The following MIA2 variants were observed in gnomAD, a reference collection of about 807,000 sequenced individuals.
MIA2 encodes the protein melanoma inhibitory activity protein 2.
In MIA2, 127 loss-of-function variants were observed where a neutral mutation model predicts 167.8. That is an observed-to-expected ratio of 0.76 (90% confidence interval 0.66 to 0.88). MIA2 has a LOEUF of 0.88. Among genes scored for constraint, MIA2 ranks in the 40% least tolerant of loss-of-function variants. The pLI, the probability that MIA2 is intolerant of heterozygous loss-of-function variation, is 0.00. For synonymous variants in MIA2, 552 were observed against 541.9 expected, an observed-to-expected ratio of 1.02 and a Z score of -0.26; for missense variants, 1,690 against 1,624.7, an observed-to-expected ratio of 1.04 and a Z score of -0.69.
chr14:39,334,180 T>C (rs1248576288), intron 25 of MIA2, among the ~76,000 whole-genome samples: 1 of 152,178 alleles, frequency 6.6e-6, no homozygotes, highest in Non-Finnish European at 1.5e-5. Context: ...GCCATTTAAA[T>C]AGTCACTGAA....
chr14:39,316,379 T>C (rs12434446), intron 21 of MIA2, among the ~76,000 whole-genome samples: 131,489 of 152,152 alleles, frequency 0.86, 57,403 homozygotes, highest in East Asian at 0.96. Flanking sequence ...TACATGGAGT[T>C]TGGAATTAGG....
rs146358576 is a variant in MIA2, at chr14:39,280,093, G to A, written c.2130+556G>A. ...ATTCATTTTTTTTCCTGGGCGTGTCGAGTTAATGCCATTTATTGGAAGGAC... is the reference window on the plus strand; with the variant it reads ...ATTCATTTTTTTTCCTGGGCGTGTCAAGTTAATGCCATTTATTGGAAGGAC... On this transcript the variant is annotated intron_variant, in intron 9 of 28. Coordinates refer to ENST00000640607, the MANE Select transcript of MIA2 (RefSeq NM_001329214.4). Among the ~76,000 whole-genome samples the A allele has an allele frequency of 4.6e-5, 7 of 152,110 alleles. No homozygotes were observed. In the East Asian group the frequency reaches 7.7e-4, roughly 17 times the overall value.
intron 16 of MIA2, 60 bp downstream of exon 16, chr14:39,303,584 A>C: frequency 3.4e-6 from 4 of 1,184,244 alleles, no homozygotes; most frequent in Non-Finnish European, 4.9e-6. Flanking sequence ...TGGATTACTC[A>C]TGTCCCAGTA....
chr14:39,299,769 G>A (rs2062097695), intron 13 of MIA2, 95 bp from the exon 14 acceptor site: 18 of 1,345,694 alleles, frequency 1.3e-5, no homozygotes, highest in Non-Finnish European at 1.8e-5. Flanking sequence ...TAGGAGCCAT[G>A]TTTTTCTTTT....
intron 9 of MIA2, among the ~76,000 whole-genome samples, chr14:39,282,441 T>C (rs2059089014): frequency 6.6e-6 from 1 of 152,204 alleles, no homozygotes; most frequent in African/African-American, 2.4e-5. Flanking sequence ...TCTCTCATAG[T>C]TACCCATTCC....
rs564877798 is a variant in MIA2, at chr14:39,306,414, A to G, written c.2878+2033A>G. On this transcript the variant is annotated intron_variant, in intron 17 of 28. Coordinates refer to ENST00000640607, the MANE Select transcript of MIA2 (RefSeq NM_001329214.4). ...GGTAGCTTCCTTACATGGTGGGAGCAGGAGGAAGAGAGTGAAGGGGGAGGT... is the reference window on the plus strand; with the variant it reads ...GGTAGCTTCCTTACATGGTGGGAGCGGGAGGAAGAGAGTGAAGGGGGAGGT... 3.3e-3 allele frequency among the ~76,000 whole-genome samples: 504 copies of G among 152,278 alleles called. 2 individuals carry two copies. The highest frequency in any genetic ancestry group is 5.6e-3 in the Non-Finnish European group (380 of 68,018).
At chr14:39,305,923 G>A (rs1221937822) in intron 17 of MIA2, among the ~76,000 whole-genome samples, 5 of 137,606 alleles carry the variant, frequency 3.6e-5, no homozygotes, top group Admixed American at 7.5e-5. Context: ...GCAACCAAGC[G>A]AGACTTTGTC....
At chr14:39,249,286 C>G (rs778304781) in intron 4 of MIA2, among the ~76,000 whole-genome samples, 1 of 152,092 alleles carries the variant, frequency 6.6e-6, no homozygotes, top group Non-Finnish European at 1.5e-5. Context: ...GACTACAAGT[C>G]TGCACCATTA....
intron 13 of MIA2, among the ~76,000 whole-genome samples, chr14:39,296,811 T>A (rs2061490880): frequency 6.6e-6 from 1 of 151,806 alleles, no homozygotes; most frequent in Admixed American, 6.6e-5. Context: ...AGTCTTGCCT[T>A]GTTGATCAGG....
At chr14:39,320,394 T>C (rs1159606903) in intron 23 of MIA2, among the ~76,000 whole-genome samples, 2 of 152,206 alleles carry the variant, frequency 1.3e-5, no homozygotes, top group Non-Finnish European at 2.9e-5. Flanking sequence ...GCTGACTTTT[T>C]ACTGGTAATG....
At chr14:39,276,892 C>G (rs572080267) in intron 6 of MIA2, 42 bp from the exon 7 acceptor site, 1 of 1,598,350 alleles carries the variant, frequency 6.3e-7, no homozygotes, top group East Asian at 2.2e-5. Flanking sequence ...ATATTTTTAC[C>G]AAAAGTACAT....
At chr14:39,260,765 T>G (rs1278787385) in intron 6 of MIA2, among the ~76,000 whole-genome samples, 3 of 152,146 alleles carry the variant, frequency 2.0e-5, no homozygotes, top group Non-Finnish European at 4.4e-5. Context: ...TGGTGTTTTA[T>G]TCATGAAGTC....
At chr14:39,237,645 A>G (rs2053817448) in intron 2 of MIA2, among the ~76,000 whole-genome samples, 1 of 152,172 alleles carries the variant, frequency 6.6e-6, no homozygotes, top group Non-Finnish European at 1.5e-5. Context: ...CATTGTTTTT[A>G]AAATTATATT....
chr14:39,373,377 TACCTAATTGAATTA>T, intron 23 of MIA2, among the ~76,000 whole-genome samples: 1 of 147,086 alleles, frequency 6.8e-6, no homozygotes, highest in Admixed American at 6.8e-5. Context: ...ATTAGCAACC[TACCTAATTGAATTA>T]AAAGAAAAAC....
chr14:39,355,342 G>C (rs1215542369), downstream of MIA2, among the ~76,000 whole-genome samples: 1 of 152,068 alleles, frequency 6.6e-6, no homozygotes, highest in Non-Finnish European at 1.5e-5. Flanking sequence ...CTCATGATTT[G>C]GCTTTCTGTT....
intron 3 of MIA2, among the ~76,000 whole-genome samples, chr14:39,241,645 C>A (rs78058192): frequency 6.6e-6 from 1 of 152,172 alleles, no homozygotes; most frequent in African/African-American, 2.4e-5. Flanking sequence ...TACTAAGTAG[C>A]CTTCTAACTA....
At position 39,303,528 on chromosome 14, in the gene MIA2, T is replaced by A; in HGVS notation, c.2787+4T>A. The A allele has an allele frequency of 1.9e-6, 3 of 1,605,964 alleles. No individual in the cohort carries two copies. The highest frequency in any genetic ancestry group is 2.2e-5 in the South Asian group (2 of 90,572). On this transcript the variant is annotated splice_donor_region_variant and intron_variant, in intron 16 of 28. Transcript: ENST00000640607. ...GAAACTGATTCATGCTGCTAAGGTT[T>A]GTGCTATTAGATACTTAAAAAGAAT...
At chr14:39,286,865 C>CTGTGTG (rs34075444) in intron 9 of MIA2, among the ~76,000 whole-genome samples, 1 of 142,064 alleles carries the variant, frequency 7.0e-6, no homozygotes, top group East Asian at 2.3e-4. Flanking sequence ...GGCTATTTTT[C>CTGTGTG]TGTGTGTGTG....
In MIA2 at chr14:39,366,574, G is replaced by T. The variant is rs1326104865; in HGVS notation, c.2248+17597G>T. ...GAGCCCATCTTCAGGCCCCTAGGAG[G>T]AGTGCACAGATGCCAGCAGTGGTGG... On this transcript the variant is annotated intron_variant, in intron 23 of 23. Transcript: ENST00000341502. Among the ~76,000 whole-genome samples, 4 of 152,194 alleles carry T rather than the reference G, an allele frequency of 2.6e-5. No homozygotes were observed. In the East Asian group the frequency reaches 5.8e-4, roughly 22 times the overall value.
Sources: gnomAD v4.1 joint callset for allele counts (sites outside exome capture counted in the v4.1 genomes callset) on GRCh38, gnomAD v4.1.1 for gene constraint, MANE v1.5 for transcripts, NCBI Gene and HGNC (gene_info 2026-07-23, HGNC 2026-07-21) for gene names.